Variants in PPARGC1A observed in about 807,000 individuals in gnomAD.
PPARGC1A encodes peroxisome proliferator-activated receptor gamma coactivator 1-alpha.
Under a neutral mutation model 88.7 loss-of-function variants are expected in PPARGC1A, and 25 were observed. That is an observed-to-expected ratio of 0.28 (90% CI 0.21 to 0.39). The LOEUF is 0.39. Ranked by LOEUF, PPARGC1A falls within the 10% of genes least tolerant of loss-of-function variation. PPARGC1A has a pLI of 1.00. For synonymous variants in PPARGC1A, 363 were observed against 355.6 expected, an observed-to-expected ratio of 1.02 and a Z score of -0.24; for missense variants, 880 against 968.7, an observed-to-expected ratio of 0.91 and a Z score of 1.22.
the PPARGC1A span, among the ~76,000 whole-genome samples, chr4:24,315,770 T>C: frequency 2.0e-5 from 3 of 152,062 alleles, no homozygotes; most frequent in East Asian, 5.8e-4. Context: ...CAACAAGGAG[T>C]CATCTGGTCC....
chr4:23,994,843 T>A, the PPARGC1A span, among the ~76,000 whole-genome samples: 2 of 152,118 alleles, frequency 1.3e-5, no homozygotes, highest in Non-Finnish European at 2.9e-5. Context: ...CATTGCAACA[T>A]ATATAGAAGA....
chr4:24,020,226 T>G, the PPARGC1A span, among the ~76,000 whole-genome samples: 1 of 152,198 alleles, frequency 6.6e-6, no homozygotes, highest in Admixed American at 6.5e-5. Flanking sequence ...ATTATCATGG[T>G]TTTCCATTAG....
At chr4:24,421,410 A>T in the PPARGC1A span, among the ~76,000 whole-genome samples, 1 of 149,780 alleles carries the variant, frequency 6.7e-6, no homozygotes, top group African/African-American at 2.5e-5. Context: ...TCCCGGGTTC[A>T]CGCCCTTCTC....
the PPARGC1A span, among the ~76,000 whole-genome samples, chr4:23,916,514 A>G: frequency 2.6e-5 from 4 of 152,190 alleles, no homozygotes; most frequent in South Asian, 4.1e-4. Context: ...TTATGAAAAC[A>G]TAATTTTTAA....
At chr4:24,397,908 T>C in the PPARGC1A span, among the ~76,000 whole-genome samples, 1 of 152,238 alleles carries the variant, frequency 6.6e-6, no homozygotes, top group African/African-American at 2.4e-5. Context: ...ACTAGGTCTA[T>C]ACTGACTCAG....
chr4:24,017,851 C>T, the PPARGC1A span, among the ~76,000 whole-genome samples: 2 of 152,160 alleles, frequency 1.3e-5, no homozygotes, highest in African/African-American at 4.8e-5. Flanking sequence ...AGCTTTGGGA[C>T]AAATATATTT....
chr4:24,303,867 C>T, the PPARGC1A span, among the ~76,000 whole-genome samples: 1 of 152,180 alleles, frequency 6.6e-6, no homozygotes, highest in African/African-American at 2.4e-5. Flanking sequence ...TTTAACTAAA[C>T]TCTGTATTGC....
At chr4:23,797,365 A>T (rs552481830) in intron 12 of PPARGC1A, among the ~76,000 whole-genome samples, 1 of 152,278 alleles carries the variant, frequency 6.6e-6, no homozygotes, top group African/African-American at 2.4e-5. Flanking sequence ...GACAAAAAAA[A>T]AAATGTCTAG....
At chr4:23,917,129 T>C in the PPARGC1A span, among the ~76,000 whole-genome samples, 1 of 152,140 alleles carries the variant, frequency 6.6e-6, no homozygotes, top group East Asian at 1.9e-4. Flanking sequence ...GGCCTCAGAA[T>C]TTTTGACAAT....
At chr4:23,964,452 T>A in the PPARGC1A span, among the ~76,000 whole-genome samples, 1 of 152,188 alleles carries the variant, frequency 6.6e-6, no homozygotes, top group African/African-American at 2.4e-5. Context: ...TCTAGGGTTT[T>A]TCCTGATAAT....
the PPARGC1A span, among the ~76,000 whole-genome samples, chr4:23,988,747 C>CAT: frequency 4.0e-4 from 59 of 148,988 alleles, no homozygotes; most frequent in African/African-American, 1.1e-3. Context: ...TATTTGTGTG[C>CAT]ATATATATAT....
chr4:23,988,774 A>G, the PPARGC1A span, among the ~76,000 whole-genome samples: 3 of 150,630 alleles, frequency 2.0e-5, no homozygotes, highest in African/African-American at 7.3e-5. Flanking sequence ...ACACACATAA[A>G]TCTATGCACA....
chr4:24,034,156 C>T, the PPARGC1A span, among the ~76,000 whole-genome samples: 23 of 152,274 alleles, frequency 1.5e-4, no homozygotes, highest in Non-Finnish European at 2.6e-4. Context: ...GAAGTCAGTC[C>T]TAATGCCTTT....
chr4:23,854,615 C>A (rs975996720), intron 2 of PPARGC1A, among the ~76,000 whole-genome samples: 29 of 152,104 alleles, frequency 1.9e-4, no homozygotes, highest in Non-Finnish European at 5.9e-5. Flanking sequence ...ATGAAGATGG[C>A]CTTGTCCCAC....
At chr4:24,400,000 G>A in the PPARGC1A span, among the ~76,000 whole-genome samples, 1 of 140,354 alleles carries the variant, frequency 7.1e-6, no homozygotes, top group African/African-American at 2.6e-5. Flanking sequence ...TGGCCAGGCT[G>A]GTCCGAACTC....
the PPARGC1A span, among the ~76,000 whole-genome samples, chr4:23,984,690 G>A: frequency 6.6e-6 from 1 of 152,096 alleles, no homozygotes; most frequent in Non-Finnish European, 1.5e-5. Context: ...TTTTCTATAT[G>A]TAATTGCATC....
At chr4:24,298,517 A>G in the PPARGC1A span, among the ~76,000 whole-genome samples, 1 of 152,144 alleles carries the variant, frequency 6.6e-6, no homozygotes, top group Non-Finnish European at 1.5e-5. Context: ...TGTCATTGAT[A>G]TATGCATTCT....
chr4:23,974,799 ATTTTTT>A, the PPARGC1A span, among the ~76,000 whole-genome samples: 9 of 61,124 alleles, frequency 1.5e-4, no homozygotes, highest in East Asian at 1.5e-3. Context: ...GGCCCGGCTA[ATTTTTT>A]TTTTTTTTTT....
chr4:23,830,681 A>C (rs1034095465), intron 3 of PPARGC1A, among the ~76,000 whole-genome samples: 1 of 152,180 alleles, frequency 6.6e-6, no homozygotes, highest in Admixed American at 6.5e-5. Context: ...ACGATATTAG[A>C]GTCTGGAGGA....
Sources: gnomAD v4.1 joint callset for allele counts (sites outside exome capture counted in the v4.1 genomes callset) on GRCh38, gnomAD v4.1.1 for gene constraint, MANE v1.5 for transcripts, NCBI Gene and HGNC (gene_info 2026-07-23, HGNC 2026-07-21) for gene names.